The following OTOGL variants were observed in gnomAD, a reference collection of about 807,000 sequenced individuals.
OTOGL encodes the protein otogelin like.
A neutral mutation model predicts 318.5 loss-of-function variants in OTOGL; 285 were observed. The observed-to-expected ratio is 0.89, with a 90% CI of 0.81 to 0.99. The LOEUF is 0.99. OTOGL is among the 50% of genes least tolerant of loss of function. The pLI is 0.00. For synonymous variants in OTOGL, 987 were observed against 936.5 expected (o/e 1.05, Z -0.99); for missense variants, 2,899 against 2,845.6 (o/e 1.02, Z -0.43).
intron 32 of OTOGL, among the ~76,000 whole-genome samples, chr12:80,315,383 G>A (rs1886903081): frequency 6.6e-6 from 1 of 152,152 alleles, no homozygotes; most frequent in Non-Finnish European, 1.5e-5. Flanking sequence ...AATCTGAGAG[G>A]TGCTGCTGTC....
chr12:80,174,444 T>C (rs1874399751), intron 1 of OTOGL, among the ~76,000 whole-genome samples: 1 of 152,208 alleles, frequency 6.6e-6, no homozygotes, highest in Non-Finnish European at 1.5e-5. Flanking sequence ...GGCCTGATTA[T>C]TTGTATAAAG....
In OTOGL at chr12:80,305,606, G is replaced by T; in HGVS notation, c.3244G>T (p.Asp1082Tyr). The change falls in exon 29 of 59, where the codon GAC (aspartate) becomes TAC (tyrosine). Residue 1082 changes from aspartate (D) to tyrosine (Y), a missense_variant. Physicochemically the swap from Asp to Tyr is radical, Grantham distance 160. Around this residue, in one of 3 missense-constraint regions of OTOGL, gnomAD observed 2,607 missense variants for 2,524.9 expected, o/e 1.03. Coordinates refer to ENST00000547103, the MANE Select transcript of OTOGL (RefSeq NM_001378609.3). ...GCTATCAGGATTGTGTGGAAACTTT[G>T]ACAAATGCACTTCAAATGATATGAC... ...NKLSGLCGNF[D>Y]KCTSNDMTTS... The T allele has an allele frequency of 6.4e-7, 1 of 1,571,522 alleles. No homozygotes were observed. The highest frequency in any genetic ancestry group is 1.2e-5 in the South Asian group (1 of 84,336).
At chr12:80,217,750 G>A (rs890048890) in intron 5 of OTOGL, 86 bp downstream of exon 5, 27 of 987,262 alleles carry the variant, frequency 2.7e-5, no homozygotes, top group African/African-American at 5.0e-5. Flanking sequence ...TATTGTTTCC[G>A]TATACCACAT....
chr12:80,132,244 T>A (rs1871284212), intron 1 of OTOGL: 1 of 152,250 alleles, frequency 6.6e-6, no homozygotes, highest in Admixed American at 6.5e-5. Flanking sequence ...TATTGTATTA[T>A]TTTATATGCC....
intron 28 of OTOGL, 94 bp downstream of exon 28, chr12:80,302,877 T>A: frequency 1.8e-6 from 2 of 1,142,242 alleles, no homozygotes; most frequent in African/African-American, 1.6e-5. Context: ...TGTTTTCCTT[T>A]AAGAACTAGG....
intron 1 of OTOGL, among the ~76,000 whole-genome samples, chr12:80,126,724 T>C (rs377248637): frequency 1.3e-5 from 2 of 152,144 alleles, no homozygotes; most frequent in Non-Finnish European, 2.9e-5. Context: ...CTGGGTGCTC[T>C]TGTATTGGGT....
chr12:80,230,586 A>T (rs1250432031), intron 8 of OTOGL, among the ~76,000 whole-genome samples: 1 of 152,200 alleles, frequency 6.6e-6, no homozygotes, highest in East Asian at 1.9e-4. Context: ...GAAACATAAT[A>T]TTTAATTTTA....
chr12:80,117,312 CT>C (rs1222960795), intron 1 of OTOGL, among the ~76,000 whole-genome samples: 82 of 151,970 alleles, frequency 5.4e-4, no homozygotes, highest in African/African-American at 1.8e-3. Context: ...TAAAACAAGA[CT>C]TTTTTTATTA....
chr12:80,287,357 G>A (rs889862572), intron 26 of OTOGL, among the ~76,000 whole-genome samples: 5 of 151,654 alleles, frequency 3.3e-5, no homozygotes, highest in African/African-American at 1.2e-4. Flanking sequence ...GTGGTGCTAA[G>A]AAGAATGTAT....
chr12:80,350,857 C>T (rs928513961), intron 44 of OTOGL, among the ~76,000 whole-genome samples: 1 of 152,156 alleles, frequency 6.6e-6, no homozygotes, highest in Admixed American at 6.5e-5. Flanking sequence ...TATAGGTCGT[C>T]TCTTTACTAC....
intron 1 of OTOGL, among the ~76,000 whole-genome samples, chr12:80,118,410 G>A (rs1174670704): frequency 4.6e-5 from 7 of 152,178 alleles, no homozygotes; most frequent in Non-Finnish European, 2.9e-5. Context: ...AGCGCTAGGA[G>A]GGGGATAGAA....
chr12:80,102,057 G>T (rs1288729181), intron 1 of OTOGL, among the ~76,000 whole-genome samples: 1 of 152,184 alleles, frequency 6.6e-6, no homozygotes, highest in South Asian at 2.1e-4. Flanking sequence ...ATTAATTCCA[G>T]ACCTATGAAT....
At chr12:80,235,567 C>T (rs1317513888) in intron 9 of OTOGL, among the ~76,000 whole-genome samples, 1 of 151,878 alleles carries the variant, frequency 6.6e-6, no homozygotes, top group Non-Finnish European at 1.5e-5. Flanking sequence ...ATAACATCTG[C>T]TCTAGTTAGA....
chr12:80,369,031 T>C (rs890008552), intron 55 of OTOGL, among the ~76,000 whole-genome samples: 1 of 151,858 alleles, frequency 6.6e-6, no homozygotes, highest in African/African-American at 2.4e-5. Context: ...AATATATATA[T>C]GTATAATACA....
At chr12:80,372,172 A>G in intron 57 of OTOGL, 108 bp downstream of exon 57, 1 of 641,962 alleles carries the variant, frequency 1.6e-6, no homozygotes, top group Non-Finnish European at 2.3e-6. Flanking sequence ...AAAGAGAGAA[A>G]CAAATTTTAT....
chr12:80,145,837 A>T (rs1272438880), intron 1 of OTOGL, among the ~76,000 whole-genome samples: 1 of 151,874 alleles, frequency 6.6e-6, no homozygotes, highest in Non-Finnish European at 1.5e-5. Context: ...ATGGGAGTTC[A>T]CTCATGATTT....
Position 80,267,529 on chromosome 12 carries a change from A to G in OTOGL, c.2465+202A>G, listed in dbSNP as rs9783516. Among the ~76,000 whole-genome samples the G allele has an allele frequency of 0.99, 146,561 of 147,330 alleles. 72,904 individuals carry two copies. Among genetic ancestry groups the G allele is most frequent in the Non-Finnish European group, 1 (67,212 of 67,212 alleles). On this transcript the variant is annotated intron_variant, in intron 22 of 58. Transcript: ENST00000547103. ...TTAACTCGTCATTTACATTACATTG[A>G]GTATATCTCCTAATGCTATCCCTCC...
At chr12:80,294,302 A>G (rs1010410321) in intron 26 of OTOGL, among the ~76,000 whole-genome samples, 1 of 152,072 alleles carries the variant, frequency 6.6e-6, no homozygotes, top group African/African-American at 2.4e-5. Context: ...ATTTCTTGAC[A>G]TTTCAGATTT....
At chr12:80,190,263 C>T (rs1185905955) in intron 1 of OTOGL, among the ~76,000 whole-genome samples, 2 of 151,954 alleles carry the variant, frequency 1.3e-5, no homozygotes, top group Non-Finnish European at 2.9e-5. Flanking sequence ...TTCCCCAGTC[C>T]GGTAAAACGC....
Sources: allele counts gnomAD v4.1 joint callset (sites outside exome capture counted in the v4.1 genomes callset), GRCh38; gene constraint gnomAD v4.1.1; regional missense constraint gnomAD v4.1.1; transcripts MANE v1.5; gene names NCBI Gene and HGNC (gene_info 2026-07-23, HGNC 2026-07-21).